The following CEP295 variants were observed in gnomAD, a reference collection of about 807,000 sequenced individuals.
The protein encoded by CEP295 is centrosomal protein 295.
Under a neutral mutation model 291.6 loss-of-function variants are expected in CEP295, and 190 were observed. The ratio of observed to expected loss-of-function variants is 0.65; its 90% CI spans 0.58 to 0.73. CEP295 has a LOEUF of 0.73. Ranked by LOEUF, CEP295 falls within the 30% of genes least tolerant of loss-of-function variation. CEP295 has a pLI of 0.00. For missense variants in CEP295, 2,863 were observed against 2,949.4 expected (o/e 0.97, Z 0.68); for synonymous variants, 993 against 1,038.8 (o/e 0.96, Z 0.85).
At chr11:93,681,000 A>G (rs1950930396) in intron 7 of CEP295, among the ~76,000 whole-genome samples, 1 of 152,260 alleles carries the variant, frequency 6.6e-6, no homozygotes, top group Admixed American at 6.5e-5. Flanking sequence ...TGACTAAAAT[A>G]ACTGAATGTC....
At chr11:93,682,149 T>C (rs1951006670) in intron 7 of CEP295, among the ~76,000 whole-genome samples, 2 of 152,202 alleles carry the variant, frequency 1.3e-5, no homozygotes, top group Non-Finnish European at 2.9e-5. Flanking sequence ...AAATTCATCC[T>C]CAAAAGACAA....
intron 18 of CEP295, among the ~76,000 whole-genome samples, chr11:93,716,966 A>G (rs1289775626): frequency 2.6e-5 from 4 of 152,224 alleles, no homozygotes; most frequent in East Asian, 1.9e-4. Flanking sequence ...TATAAAATCT[A>G]TAAACTTATA....
At chr11:93,693,712 T>C (rs1372047676) in intron 12 of CEP295, among the ~76,000 whole-genome samples, 1 of 151,786 alleles carries the variant, frequency 6.6e-6, no homozygotes, top group East Asian at 1.9e-4. Flanking sequence ...GCCAAGATTG[T>C]GCCACTGCAT....
chr11:93,711,287 T>C (rs189720785), intron 18 of CEP295, among the ~76,000 whole-genome samples: 26 of 152,278 alleles, frequency 1.7e-4, no homozygotes, highest in Non-Finnish European at 2.8e-4. Context: ...ATTTCATAAG[T>C]TTGGGTATGT....
chr11:93,718,238 G>A (rs1463500349), intron 18 of CEP295, among the ~76,000 whole-genome samples: 2 of 152,200 alleles, frequency 1.3e-5, no homozygotes, highest in African/African-American at 2.4e-5. Flanking sequence ...AGAAAGGTCT[G>A]TCTTGTTACT....
rs376522836 is a variant in CEP295, at chr11:93,683,670, C to T, written c.877C>T (p.Arg293Cys). The T allele has an allele frequency of 2.5e-5, 39 of 1,550,090 alleles. No individual in the cohort carries two copies. The African/African-American group carries it at 3.0e-4, about 12-fold the overall frequency. ...PPQLVELPYK[R>C]SEMKEDWQRE... ...ACAACTAGTTGAACTTCCATACAAA[C>T]GCAGTGAAATGAAAGAAGACTGGCA... The change falls in exon 8 of 30, where the codon CGC becomes TGC. Residue 293 changes from arginine to cysteine, a missense_variant. This residue lies in a region of CEP295 where 554 missense variants were observed against 576.0 expected (regional missense o/e 0.96). Coordinates refer to ENST00000325212, the MANE Select transcript of CEP295 (RefSeq NM_033395.2).
intron 18 of CEP295, among the ~76,000 whole-genome samples, chr11:93,718,292 T>A (rs1295313464): frequency 6.6e-6 from 1 of 152,252 alleles, no homozygotes; most frequent in East Asian, 1.9e-4. Context: ...TAACAGATTT[T>A]TAAGATGGAG....
chr11:93,681,883 G>C (rs1487188827), intron 7 of CEP295, among the ~76,000 whole-genome samples: 1 of 150,060 alleles, frequency 6.7e-6, no homozygotes, highest in Non-Finnish European at 1.5e-5. Flanking sequence ...AACCTCCCCT[G>C]CCACACCTCT....
At position 93,696,698 on chromosome 11, in the gene CEP295, G is replaced by T. The variant is rs1269036947; in HGVS notation, c.1786G>T (p.Val596Phe). The T allele has an allele frequency of 1.3e-6, 2 of 1,548,318 alleles. No homozygotes were observed. Among genetic ancestry groups the T allele is most frequent in the Admixed American group, 4.0e-5 (2 of 50,524 alleles). Residue 596 changes from valine (V) to phenylalanine (F), a missense_variant, in exon 15 of 30, where the codon GTT (valine) becomes TTT (phenylalanine). Around this residue, in one of 3 missense-constraint regions of CEP295, gnomAD observed 2,295 missense variants for 2,335.7 expected, o/e 0.98. Coordinates refer to ENST00000325212, the MANE Select transcript of CEP295 (RefSeq NM_033395.2). ...TTTTGGTAGGTTACACAGGCAGTCT[G>T]TTGAAACAGCCAGGAAACAATTACT... is the stretch of plus-strand genomic sequence containing the variant. ...LQQNRLHRQS[V>F]ETARKQLLEY...
intron 9 of CEP295, 73 bp downstream of exon 9, chr11:93,684,201 A>G (rs930031366): frequency 7.4e-7 from 1 of 1,352,658 alleles, no homozygotes; most frequent in Non-Finnish European, 1.0e-6. Flanking sequence ...GCCAGCAGTT[A>G]GGAAAATCTG....
intron 18 of CEP295, among the ~76,000 whole-genome samples, chr11:93,716,806 C>A (rs1323729749): frequency 6.6e-6 from 1 of 152,210 alleles, no homozygotes; most frequent in African/African-American, 2.4e-5. Context: ...AGATTTTGCT[C>A]TAAAGAGCCT....
rs144661658 is a variant in CEP295, at chr11:93,716,013, C to T, written c.5750-5299C>T. Among the ~76,000 whole-genome samples the T allele has an allele frequency of 1.8e-4, 27 of 152,170 alleles. No individual in the cohort carries two copies. In the East Asian group the frequency reaches 3.3e-3, roughly 19 times the overall value. On this transcript the variant is annotated intron_variant, in intron 18 of 29. Coordinates refer to ENST00000325212, the MANE Select transcript of CEP295 (RefSeq NM_033395.2). Reference sequence around the variant, plus strand: ...GCTGGTTTTCACTAGGTCATGTGACCCCTCCAAGTCTACAAGCTCTGAGCC... The same window carrying T: ...GCTGGTTTTCACTAGGTCATGTGACTCCTCCAAGTCTACAAGCTCTGAGCC...
intron 18 of CEP295, among the ~76,000 whole-genome samples, chr11:93,711,653 C>T (rs1301413437): frequency 1.3e-5 from 2 of 152,242 alleles, no homozygotes; most frequent in African/African-American, 4.8e-5. Context: ...CAGGCATGTG[C>T]CACCATGCTT....
Position 93,702,894 on chromosome 11 carries a change from A to C in CEP295, c.5571A>C (p.Pro1857=). The change falls in exon 17 of 30, where the codon CCA becomes CCC. Residue 1857 remains proline, a synonymous_variant. Coordinates refer to ENST00000325212, the MANE Select transcript of CEP295 (RefSeq NM_033395.2). ...ELSAIQEVES[P]AIGRTSILGK... is the part of the protein sequence containing the mutation. Reference sequence around the variant, plus strand: ...GTGCTATACAAGAAGTAGAGTCACCAGCAATTGGCAGAACTTCTATACTAG... The same window carrying C: ...GTGCTATACAAGAAGTAGAGTCACCCGCAATTGGCAGAACTTCTATACTAG... The C allele has an allele frequency of 1.3e-6, 2 of 1,550,994 alleles. No homozygotes were observed. Among genetic ancestry groups the C allele is most frequent in the South Asian group, 1.2e-5 (1 of 83,858 alleles).
At chr11:93,667,585 C>G in intron 2 of CEP295, 22 bp from the exon 3 acceptor site, 5 of 1,503,246 alleles carry the variant, frequency 3.3e-6, no homozygotes, top group Non-Finnish European at 3.6e-6. Flanking sequence ...TTCATATAAC[C>G]TGTTAAATAT....
At chr11:93,673,970 T>C (rs370065262) in intron 5 of CEP295, among the ~76,000 whole-genome samples, 11 of 151,864 alleles carry the variant, frequency 7.2e-5, no homozygotes, top group African/African-American at 2.7e-4. Context: ...TTTTTCTTTT[T>C]GAGACAGATT....
chr11:93,687,081 TG>T (rs1247195917), intron 9 of CEP295, among the ~76,000 whole-genome samples: 1 of 152,214 alleles, frequency 6.6e-6, no homozygotes, highest in Non-Finnish European at 1.5e-5. Context: ...ATACTTGTGT[TG>T]TTTTTTTGTT....
At chr11:93,711,042 A>T (rs1426690381) in intron 18 of CEP295, among the ~76,000 whole-genome samples, 1 of 152,004 alleles carries the variant, frequency 6.6e-6, no homozygotes, top group Non-Finnish European at 1.5e-5. Flanking sequence ...AAATATTTTC[A>T]TAAAACCAAT....
intron 10 of CEP295, among the ~76,000 whole-genome samples, chr11:93,690,321 C>T (rs568386091): frequency 1.4e-3 from 211 of 152,060 alleles, no homozygotes; most frequent in Non-Finnish European, 1.3e-3. Flanking sequence ...CTTTGGGAGG[C>T]CGGGGCAGGC....
Sources: gnomAD v4.1 joint callset for allele counts (sites outside exome capture counted in the v4.1 genomes callset) on GRCh38, gnomAD v4.1.1 for gene constraint, gnomAD v4.1.1 regional missense constraint, MANE v1.5 for transcripts, NCBI Gene and HGNC (gene_info 2026-07-23, HGNC 2026-07-21) for gene names.